Variants in CCDC14 observed in about 807,000 individuals in gnomAD.
CCDC14 encodes coiled-coil domain-containing protein 14.
Under a neutral mutation model 81.4 loss-of-function variants are expected in CCDC14, and 71 were observed. The ratio of observed to expected loss-of-function variants is 0.87; its 90% CI spans 0.72 to 1.06. The LOEUF is 1.06. Among genes scored for constraint, CCDC14 ranks in the 50% least tolerant of loss-of-function variants. The pLI is 0.00. For synonymous variants in CCDC14, 332 were observed against 364.8 expected, an observed-to-expected ratio of 0.91 and a Z score of 1.03; for missense variants, 1,046 against 1,047.3, an observed-to-expected ratio of 1.00 and a Z score of 0.02.
At chr3:123,930,947 G>T (rs57897158) in intron 12 of CCDC14, 155 bp downstream of exon 12, 1 of 634,426 alleles carries the variant, frequency 1.6e-6, no homozygotes, top group South Asian at 3.1e-5. Flanking sequence ...TAATTTAATT[G>T]GAACAGAAGA....
In CCDC14 at chr3:123,956,741, C is replaced by T. The variant is rs1008930078; in HGVS notation, c.85G>A (p.Ala29Thr). Residue 29 changes from alanine to threonine, a missense_variant and splice_region_variant, in exon 2 of 13, where the codon GCG becomes ACG. By Grantham distance (58) the Ala-to-Thr change is moderately conservative. Coordinates refer to ENST00000409697, the MANE Select transcript of CCDC14 (RefSeq NM_001366335.1). ...GPAKLTNGKK[A>T]TYLRKIPRFN... ...TTGTAAACGTCTTCAAGTACTTACG[C>T]TTTCTTTCCATTTGTTAATTTAGCA... The T allele has an allele frequency of 9.0e-6, 14 of 1,547,254 alleles. No homozygotes were observed. The highest frequency in any genetic ancestry group is 1.7e-4 in the Middle Eastern group (1 of 5,994).
chr3:123,949,752 T>G (rs2148934709), intron 5 of CCDC14, among the ~76,000 whole-genome samples: 2 of 152,258 alleles, frequency 1.3e-5, no homozygotes, highest in South Asian at 4.1e-4. Context: ...TTCCTACCAA[T>G]CCAATTCTAC....
intron 12 of CCDC14, among the ~76,000 whole-genome samples, chr3:123,923,509 T>C (rs1250814025): frequency 6.6e-6 from 1 of 152,028 alleles, no homozygotes; most frequent in Admixed American, 6.6e-5. Flanking sequence ...GACACGATTT[T>C]ATACACAGAA....
chr3:123,886,225 T>A, the CCDC14 span, among the ~76,000 whole-genome samples: 1,032 of 152,116 alleles, frequency 6.8e-3, 11 homozygotes, highest in African/African-American at 0.024. Context: ...TTCCTTGCTA[T>A]CTGATATGAC....
chr3:123,889,219 G>A, the CCDC14 span, among the ~76,000 whole-genome samples: 15 of 152,122 alleles, frequency 9.9e-5, no homozygotes, highest in Non-Finnish European at 1.8e-4. Flanking sequence ...AGACCAGCCT[G>A]GGCAACATGG....
intron 12 of CCDC14, among the ~76,000 whole-genome samples, chr3:123,924,954 TACACAC>T (rs67990689): frequency 6.1e-5 from 9 of 147,382 alleles, no homozygotes; most frequent in South Asian, 2.2e-4. Flanking sequence ...TATACATATA[TACACAC>T]ACACACACAC....
chr3:123,901,686 T>C (rs2034183260), intron 5 of CCDC14, among the ~76,000 whole-genome samples: 1 of 152,326 alleles, frequency 6.6e-6, no homozygotes, highest in Admixed American at 6.5e-5. Context: ...AAATCACTTT[T>C]TTGGTATGGC....
At chr3:123,886,009 T>C in the CCDC14 span, among the ~76,000 whole-genome samples, 1 of 152,186 alleles carries the variant, frequency 6.6e-6, no homozygotes, top group African/African-American at 2.4e-5. Flanking sequence ...TTTAATATCA[T>C]TATAAATTCA....
At chr3:123,920,036 A>C (rs1186204024) in intron 12 of CCDC14, among the ~76,000 whole-genome samples, 1 of 152,246 alleles carries the variant, frequency 6.6e-6, no homozygotes, top group African/African-American at 2.4e-5. Context: ...ATTAACAAAC[A>C]AAACAATAAG....
intron 7 of CCDC14, among the ~76,000 whole-genome samples, chr3:123,947,747 T>C (rs778949108): frequency 6.6e-6 from 1 of 152,042 alleles, no homozygotes; most frequent in Non-Finnish European, 1.5e-5. Flanking sequence ...AGAATCTTTA[T>C]TGCACTGAGG....
At chr3:123,921,908 C>T (rs2877758) in intron 12 of CCDC14, among the ~76,000 whole-genome samples, 13,206 of 152,220 alleles carry the variant, frequency 0.087, 1,418 homozygotes, top group East Asian at 0.42. Context: ...TAGAACATTC[C>T]ATCCTACAGC....
At chr3:123,909,120 A>T (rs1438974003), downstream of CCDC14, among the ~76,000 whole-genome samples, 1 of 151,972 alleles carries the variant, frequency 6.6e-6, no homozygotes, top group African/African-American at 2.4e-5. Context: ...AAAATATTTG[A>T]ATCTGGTCTC....
At chr3:123,901,851 C>G (rs1279708976) in intron 5 of CCDC14, among the ~76,000 whole-genome samples, 1 of 151,972 alleles carries the variant, frequency 6.6e-6, no homozygotes, top group East Asian at 1.9e-4. Context: ...GAAAATTGTG[C>G]AAAGGATACA....
chr3:123,891,240 A>G, the CCDC14 span, among the ~76,000 whole-genome samples: 1 of 152,216 alleles, frequency 6.6e-6, no homozygotes, highest in African/African-American at 2.4e-5. Context: ...GGTCTCTGAC[A>G]TGGCCTGGAG....
At chr3:123,944,136 A>G (rs2036503874) in intron 9 of CCDC14, among the ~76,000 whole-genome samples, 1 of 152,022 alleles carries the variant, frequency 6.6e-6, no homozygotes. Context: ...AGGACACCCA[A>G]CTGGTGTCTG....
intron 7 of CCDC14, among the ~76,000 whole-genome samples, chr3:123,947,881 A>G (rs1045143521): frequency 2.0e-5 from 3 of 152,086 alleles, no homozygotes; most frequent in African/African-American, 7.2e-5. Flanking sequence ...CTAACCATAT[A>G]GTAGTTACAC....
intron 8 of CCDC14, among the ~76,000 whole-genome samples, chr3:123,945,491 A>G (rs1559795471): frequency 6.6e-6 from 1 of 152,086 alleles, no homozygotes; most frequent in Non-Finnish European, 1.5e-5. Flanking sequence ...TAATTTTCTA[A>G]AGTAGATTGA....
Position 123,915,693 on chromosome 3 carries a change from G to A in CCDC14, c.1804C>T (p.Leu602Phe), listed in dbSNP as rs1243924176. 6.2e-7 allele frequency: 1 copy of A among 1,612,378 alleles called. No homozygotes were observed. Among genetic ancestry groups the A allele is most frequent in the East Asian group, 2.2e-5 (1 of 44,872 alleles). ...CTGTCCACACTAAGATCGGAGAGAA[G>A]CTTTGCCATGCTAGTCTGTAAAGTT... ...TRTLQTSMAK[L>F]LSDLSVDSAR... Residue 602 changes from leucine to phenylalanine, a missense_variant, in exon 13 of 13, where the codon CTT becomes TTT. Leu to Phe is a conservative substitution (Grantham distance 22). Coordinates refer to ENST00000409697, the MANE Select transcript of CCDC14 (RefSeq NM_001366335.1).
the CCDC14 span, among the ~76,000 whole-genome samples, chr3:123,889,833 C>T: frequency 2.8e-4 from 43 of 152,352 alleles, no homozygotes; most frequent in South Asian, 8.3e-3. Context: ...AAGGCCTCTG[C>T]CCCTGCAGCA....
Sources: allele counts gnomAD v4.1 joint callset (sites outside exome capture counted in the v4.1 genomes callset), GRCh38; gene constraint gnomAD v4.1.1; transcripts MANE v1.5; gene names NCBI Gene and HGNC (gene_info 2026-07-23, HGNC 2026-07-21).